Variants in PLCB2 observed in about 807,000 individuals in gnomAD.
The protein encoded by PLCB2 is 1-phosphatidylinositol 4,5-bisphosphate phosphodiesterase beta-2.
PLCB2 carries 115 observed loss-of-function variants against 141.7 expected under a neutral mutation model. The ratio of observed to expected loss-of-function variants is 0.81; its 90% CI spans 0.70 to 0.95. PLCB2 has a LOEUF of 0.95. PLCB2 is among the 40% of genes least tolerant of loss of function. PLCB2 has a pLI of 0.00. For synonymous variants in PLCB2, 603 were observed against 595.6 expected, an observed-to-expected ratio of 1.01 and a Z score of -0.18; for missense variants, 1,403 against 1,541.1, an observed-to-expected ratio of 0.91 and a Z score of 1.50.
At chr15:40,289,458 C>A in intron 30 of PLCB2, 100 bp from the exon 31 acceptor site, 2 of 863,592 alleles carry the variant, frequency 2.3e-6, no homozygotes, top group South Asian at 1.4e-5. Context: ...AGACTTTGGG[C>A]AAATTCCTTA....
At chr15:40,289,035 T>G (rs1201245496) in intron 31 of PLCB2, 117 bp from the exon 32 acceptor site, 2 of 1,446,540 alleles carry the variant, frequency 1.4e-6, no homozygotes, top group Admixed American at 4.8e-5. Flanking sequence ...CCCAGGAGAC[T>G]GGGGTGAGAG....
intron 20 of PLCB2, 62 bp downstream of exon 20, chr15:40,293,498 C>T (rs1337122760): frequency 1.1e-5 from 17 of 1,530,460 alleles, no homozygotes; most frequent in Non-Finnish European, 1.5e-5. Flanking sequence ...TTTACTTCCT[C>T]TTGTCTGTAA....
chr15:40,284,315 G>C (rs1034207870), downstream of PLCB2: 1 of 327,468 alleles, frequency 3.1e-6, no homozygotes, highest in Non-Finnish European at 6.0e-6. Flanking sequence ...TGCCGGCAGC[G>C]GGTAAGAGAG....
In PLCB2 at chr15:40,288,042, C is replaced by G; in HGVS notation, c.*673G>C. The G allele has an allele frequency of 5.1e-6, 5 of 985,486 alleles. No homozygotes were observed. Among genetic ancestry groups the G allele is most frequent in the Non-Finnish European group, 6.0e-6 (5 of 829,964 alleles). 61.0% of individuals were successfully genotyped at this position (985,486 alleles called of 1,614,324 possible). A position where few individuals can be genotyped will look rare whatever the true frequency, so the allele number is the denominator to read the frequency against. On this transcript the variant is annotated 3_prime_UTR_variant, in exon 32 of 32. Coordinates refer to ENST00000260402, the MANE Select transcript of PLCB2 (RefSeq NM_004573.3). Reference sequence around the variant, plus strand: ...GGTACATGGTAGGAACTGCCTGCCCCCAGGCCTAGGAAGAGGGGTGAGCCA... The same window carrying G: ...GGTACATGGTAGGAACTGCCTGCCCGCAGGCCTAGGAAGAGGGGTGAGCCA...
rs760242743 is a variant in PLCB2 at position 40,291,653 on chromosome 15, G to C, written c.2603-3C>G. On this transcript the variant is annotated splice_region_variant and splice_polypyrimidine_tract_variant and intron_variant, in intron 24 of 31. Transcript: ENST00000260402. Reference sequence around the variant, plus strand: ...TTCCCTGGCCCCGGCCCTGGCTGCTGCAAGAGCCACGGGCTGGGCTGTCAG... The same window carrying C: ...TTCCCTGGCCCCGGCCCTGGCTGCTCCAAGAGCCACGGGCTGGGCTGTCAG... 42 of 1,612,772 alleles carry C rather than the reference G, an allele frequency of 2.6e-5. No homozygotes were observed. In the South Asian group the frequency reaches 4.2e-4, roughly 16 times the overall value.
At chr15:40,290,888 G>C (rs1382686455) in intron 27 of PLCB2, 51 bp from the exon 28 acceptor site, 2 of 1,389,928 alleles carry the variant, frequency 1.4e-6, no homozygotes, top group Admixed American at 1.9e-5. Flanking sequence ...TGTTCAGAGG[G>C]AGTACGGGGG....
In PLCB2 at chr15:40,290,648, C is replaced by G. The variant is rs574409813; in HGVS notation, c.3138G>C (p.Lys1046Asn). ...TCCGCTCCAGTCTCTTTGTCTCCAG[C>G]TTTTTCTTCATCTCTTTGGTGTCGC... ...SENDTKEMKK[K>N]LETKRLERIQ... The change falls in exon 29 of 32, where the codon AAG becomes AAC. Residue 1046 changes from lysine to asparagine, a missense_variant. Transcript: ENST00000260402. The G allele has an allele frequency of 1.9e-4, 302 of 1,614,098 alleles. 2 individuals are homozygous for G. In the East Asian group the frequency reaches 6.4e-3, roughly 34 times the overall value.
chr15:40,288,076 G>A lies in PLCB2; in HGVS notation c.*639C>T. On this transcript the variant is annotated 3_prime_UTR_variant, in exon 32 of 32. Coordinates refer to ENST00000260402, the MANE Select transcript of PLCB2 (RefSeq NM_004573.3). The stretch of plus-strand genomic sequence containing the variant: ...GGAAGAGGGGTGAGCCAGGGTCAGG[G>A]TGGAACAGCACCCAAGAGCCCACTG... 2 of 985,536 alleles carry A rather than the reference G, an allele frequency of 2.0e-6. No individual in the cohort carries two copies. The highest frequency in any genetic ancestry group is 2.4e-6 in the Non-Finnish European group (2 of 829,986). 61.0% of individuals were successfully genotyped at this position (985,536 alleles called of 1,614,324 possible).
chr15:40,306,811 C>G (rs1312942870), intron 1 of PLCB2, among the ~76,000 whole-genome samples: 2 of 152,232 alleles, frequency 1.3e-5, no homozygotes, highest in Non-Finnish European at 2.9e-5. Flanking sequence ...GCCCAGCAGC[C>G]TCCCCTCCCT....
At chr15:40,291,964 C>T in intron 23 of PLCB2, 40 bp from the exon 24 acceptor site, 1 of 1,609,396 alleles carries the variant, frequency 6.2e-7, no homozygotes, top group Non-Finnish European at 8.5e-7. Context: ...GCTTGACAGC[C>T]CTCTCTCCCC....
chr15:40,288,184 G>C lies in PLCB2; in HGVS notation c.*531C>G, dbSNP rs541828333. ...CCGGACAGGCAGAGGGGAGGGGAGG[G>C]CCCTCAGCCAGGGAGTGGCCGTCCC... On this transcript the variant is annotated 3_prime_UTR_variant, in exon 32 of 32. Coordinates refer to ENST00000260402, the MANE Select transcript of PLCB2 (RefSeq NM_004573.3). 1.6e-4 allele frequency: 157 copies of C among 985,636 alleles called. 3 individuals are homozygous for C. The South Asian group carries it at 6.4e-3, about 40-fold the overall frequency. 61.1% of individuals were successfully genotyped at this position (985,636 alleles called of 1,614,324 possible). A position where few individuals can be genotyped will look rare whatever the true frequency, so the allele number is the denominator to read the frequency against.
At chr15:40,300,424 T>C (rs1196954006) in intron 7 of PLCB2, among the ~76,000 whole-genome samples, 2 of 152,240 alleles carry the variant, frequency 1.3e-5, no homozygotes, top group Admixed American at 1.3e-4. Flanking sequence ...ATTCCACCCC[T>C]GGGTATATAC....
rs748433473 is a variant in PLCB2 at position 40,302,334 on chromosome 15, C to G, written c.388G>C (p.Val130Leu). The change falls in exon 5 of 32, where the codon GTA becomes CTA. Residue 130 changes from valine (V) to leucine (L), a missense_variant. This residue lies in a region of PLCB2 where 975 missense variants were observed against 1,141.1 expected (regional missense o/e 0.85). Coordinates refer to ENST00000260402, the MANE Select transcript of PLCB2 (RefSeq NM_004573.3). ...ENVGKAWAED[V>L]LALVKHPLTA... Reference sequence around the variant, plus strand: ...AGCGGATGTTTGACTAGGGCCAGTACGTCCTCAGCCCAGGCCTGCAGGACC... The same window carrying G: ...AGCGGATGTTTGACTAGGGCCAGTAGGTCCTCAGCCCAGGCCTGCAGGACC... 6.2e-7 allele frequency: 1 copy of G among 1,614,062 alleles called. No individual in the cohort carries two copies. The highest frequency in any genetic ancestry group is 2.2e-5 in the East Asian group (1 of 44,870).
intron 10 of PLCB2, 31 bp from the exon 11 acceptor site, chr15:40,298,411 C>T: frequency 1.3e-6 from 2 of 1,574,128 alleles, no homozygotes; most frequent in Non-Finnish European, 8.7e-7. Context: ...GAGGTGAGGG[C>T]ATCACCCAAA....
At chr15:40,293,834 T>C in intron 19 of PLCB2, 110 bp from the exon 20 acceptor site, 1 of 1,079,694 alleles carries the variant, frequency 9.3e-7, no homozygotes, top group South Asian at 1.5e-5. Context: ...TTGGGTGTTA[T>C]GAAGAACCTC....
In PLCB2 at chr15:40,292,162, G is replaced by A; in HGVS notation, c.2432-4C>T. On this transcript the variant is annotated splice_region_variant and splice_polypyrimidine_tract_variant and intron_variant, in intron 22 of 31. Transcript: ENST00000260402. ...TTGGCGAGGGCCACAGTGAGATCTGGGTGGGTGCACAGGACATTACAACAT... is the reference window on the plus strand; with the variant it reads ...TTGGCGAGGGCCACAGTGAGATCTGAGTGGGTGCACAGGACATTACAACAT... 6.2e-7 allele frequency: 1 copy of A among 1,612,980 alleles called. No individual in the cohort carries two copies. The highest frequency in any genetic ancestry group is 8.5e-7 in the Non-Finnish European group (1 of 1,179,024).
chr15:40,290,900 C>A (rs1595632147), intron 27 of PLCB2, 63 bp from the exon 28 acceptor site: 3 of 758,208 alleles, frequency 4.0e-6, no homozygotes, highest in Non-Finnish European at 6.0e-6. Flanking sequence ...GTACGGGGGG[C>A]GGGGGTCGGT....
intron 1 of PLCB2, among the ~76,000 whole-genome samples, chr15:40,304,376 G>A (rs904133015): frequency 6.6e-6 from 1 of 152,074 alleles, no homozygotes; most frequent in African/African-American, 2.4e-5. Context: ...TGCCACCCAG[G>A]AGAGATTGAC....
In PLCB2 at chr15:40,302,296, G is replaced by C. The variant is rs377313120; in HGVS notation, c.426C>G (p.Ala142=). The change falls in exon 5 of 32, where the codon GCC becomes GCG. Residue 142 remains alanine, a synonymous_variant. Coordinates refer to ENST00000260402, the MANE Select transcript of PLCB2 (RefSeq NM_004573.3). ...TCTTGTCCAGGAAGGTGCTGCGGGA[G>C]GCGTTGGCCGTCAGCGGATGTTTGA... The part of the protein sequence containing the change: ...ALVKHPLTAN[A]SRSTFLDKIL... The C allele has an allele frequency of 6.2e-7, 1 of 1,614,172 alleles. No individual in the cohort carries two copies. Among genetic ancestry groups the C allele is most frequent in the Non-Finnish European group, 8.5e-7 (1 of 1,180,018 alleles).
Sources: allele counts gnomAD v4.1 joint callset (sites outside exome capture counted in the v4.1 genomes callset), GRCh38; gene constraint gnomAD v4.1.1; regional missense constraint gnomAD v4.1.1; transcripts MANE v1.5; gene names NCBI Gene and HGNC (gene_info 2026-07-23, HGNC 2026-07-21).